Variants in RTL4 observed in about 807,000 individuals in gnomAD.
The protein encoded by RTL4 is retrotransposon Gag like 4, also known as retrotransposon Gag-like protein 4.
Under a neutral mutation model 5.3 loss-of-function variants are expected in RTL4, and 4 were observed. The observed-to-expected ratio is 0.75, with a 90% CI of 0.37 to 1.72. The LOEUF (loss-of-function observed/expected upper bound fraction) is 1.72, where lower values mean the gene tolerates loss of function less well. Among genes scored for constraint, RTL4 ranks in the 40% most tolerant of loss-of-function variants. The pLI, the probability that RTL4 is intolerant of heterozygous loss-of-function variation, is 0.04. For synonymous variants in RTL4, 98 were observed against 87.3 expected (o/e 1.12, Z -0.68); for missense variants, 260 against 227.1 (o/e 1.14, Z -0.93).
chrX:112,344,335 G>A, the RTL4 span, among the ~76,000 whole-genome samples: 86 of 112,069 alleles, frequency 7.7e-4, no homozygotes, highest in Non-Finnish European at 1.3e-3. Flanking sequence ...CTATAAAGAA[G>A]TACCTGAAAC....
the RTL4 span, among the ~76,000 whole-genome samples, chrX:112,101,746 A>G: frequency 1.8e-5 from 2 of 111,424 alleles, no homozygotes; most frequent in African/African-American, 6.5e-5. Flanking sequence ...TGCAAATGTA[A>G]TTAAGATAAG....
At chrX:112,253,344 C>A in the RTL4 span, among the ~76,000 whole-genome samples, 3 of 112,119 alleles carry the variant, frequency 2.7e-5, no homozygotes, top group Non-Finnish European at 5.6e-5. Flanking sequence ...TGTGACTTGC[C>A]CACACAAATG....
the RTL4 span, among the ~76,000 whole-genome samples, chrX:112,228,214 A>T: frequency 9.0e-6 from 1 of 110,577 alleles, no homozygotes; most frequent in Non-Finnish European, 1.9e-5. Context: ...AAAAAAAAAA[A>T]GTTAGTGCTG....
the RTL4 span, among the ~76,000 whole-genome samples, chrX:112,311,184 G>A: frequency 9.1e-6 from 1 of 109,939 alleles, no homozygotes; most frequent in Non-Finnish European, 1.9e-5. Flanking sequence ...AAATTTTGGG[G>A]ATTGTGAGTA....
At chrX:112,410,413 C>T in the RTL4 span, among the ~76,000 whole-genome samples, 4 of 111,976 alleles carry the variant, frequency 3.6e-5, 1 homozygote, top group East Asian at 5.6e-4. Context: ...ACATTTCATC[C>T]ATTGGCTGCA....
At chrX:112,175,422 C>G in the RTL4 span, among the ~76,000 whole-genome samples, 1 of 109,310 alleles carries the variant, frequency 9.1e-6, no homozygotes, top group Admixed American at 9.9e-5. Context: ...GGGCTCTGTT[C>G]TGTTCCATTG....
chrX:112,454,896 C>G lies in RTL4; in HGVS notation c.168C>G (p.Tyr56Ter), dbSNP rs754772013. The G allele has an allele frequency of 1.1e-5, 13 of 1,210,527 alleles. No homozygotes were observed. The South Asian group carries it at 1.9e-4, about 18-fold the overall frequency. The change falls in exon 1 of 1, where the codon TAC becomes TAG. Residue 56 changes from tyrosine to a stop codon, truncating the protein, a stop_gained. Transcript: ENST00000340433. LOFTEE classifies it low-confidence loss of function (END_TRUNC). Reference sequence around the variant, plus strand: ...CCACCACAGTGATGCCTGTACCATACTCACTTGAGCATCTCACCCAGTTTC... The same window carrying G: ...CCACCACAGTGATGCCTGTACCATAGTCACTTGAGCATCTCACCCAGTTTC...
chrX:112,084,486 A>C, the RTL4 span, among the ~76,000 whole-genome samples: 2 of 109,920 alleles, frequency 1.8e-5, no homozygotes, highest in African/African-American at 6.6e-5. Flanking sequence ...GTGTTTCTAA[A>C]GATTGGCCAA....
At chrX:112,454,791 G>T (rs751738100) in exon 1 of RTL4, 23 of 1,208,362 alleles carry the variant, frequency 1.9e-5, no homozygotes, top group Non-Finnish European at 2.3e-5. Context: ...TTCAGGCAGA[G>T]AATCTGATTC....
chrX:112,122,079 A>G, the RTL4 span, among the ~76,000 whole-genome samples: 1 of 111,574 alleles, frequency 9.0e-6, no homozygotes. Flanking sequence ...ACTTCTATCC[A>G]ATAGTTTATA....
the RTL4 span, among the ~76,000 whole-genome samples, chrX:112,118,122 G>C: frequency 8.9e-6 from 1 of 112,090 alleles, no homozygotes; most frequent in African/African-American, 3.2e-5. Context: ...GCTTTCATAA[G>C]AAATCACACC....
the RTL4 span, among the ~76,000 whole-genome samples, chrX:112,263,804 G>A: frequency 9.0e-6 from 1 of 111,709 alleles, no homozygotes; most frequent in African/African-American, 3.3e-5. Context: ...TATGGGTGGT[G>A]ATGGATGTAT....
chrX:112,407,026 T>C, the RTL4 span, among the ~76,000 whole-genome samples: 4 of 109,883 alleles, frequency 3.6e-5, no homozygotes, highest in African/African-American at 1.3e-4. Flanking sequence ...TCGAGGGCCT[T>C]GGGTGAGATA....
the RTL4 span, among the ~76,000 whole-genome samples, chrX:112,385,386 T>C: frequency 0.029 from 970 of 33,366 alleles, 7 homozygotes; most frequent in Admixed American, 0.087. Flanking sequence ...AAGATAGGGG[T>C]AAAAGTGTAT....
At chrX:112,372,472 T>G in the RTL4 span, among the ~76,000 whole-genome samples, 1 of 111,186 alleles carries the variant, frequency 9.0e-6, no homozygotes, top group East Asian at 2.9e-4. Flanking sequence ...TACCTGCCCT[T>G]GAGGATTTTT....
the RTL4 span, among the ~76,000 whole-genome samples, chrX:112,263,930 G>C: frequency 8.9e-6 from 1 of 111,957 alleles, no homozygotes; most frequent in Non-Finnish European, 1.9e-5. Context: ...AAGGAAGAGA[G>C]AGGAGTTTAA....
At chrX:112,132,621 A>C in the RTL4 span, among the ~76,000 whole-genome samples, 1 of 112,288 alleles carries the variant, frequency 8.9e-6, no homozygotes, top group African/African-American at 3.2e-5. Context: ...CTGGAACTAG[A>C]AAGAGAATTA....
chrX:112,352,321 A>G, the RTL4 span, among the ~76,000 whole-genome samples: 1 of 110,273 alleles, frequency 9.1e-6, no homozygotes, highest in Non-Finnish European at 1.9e-5. Flanking sequence ...ACAGAATTGG[A>G]AAAAAATACT....
chrX:112,153,422 T>C, the RTL4 span, among the ~76,000 whole-genome samples: 1 of 112,037 alleles, frequency 8.9e-6, no homozygotes, highest in Non-Finnish European at 1.9e-5. Context: ...CATTTCCCAA[T>C]CAATCAAAGT....
Sources: allele counts gnomAD v4.1 joint callset (sites outside exome capture counted in the v4.1 genomes callset), GRCh38; gene constraint gnomAD v4.1.1; transcripts MANE v1.5; gene names NCBI Gene and HGNC (gene_info 2026-07-23, HGNC 2026-07-21).